The following OPCML variants were observed in gnomAD, a reference collection of about 807,000 sequenced individuals.
The protein encoded by OPCML is opioid binding protein/cell adhesion molecule like, also known as opioid-binding protein/cell adhesion molecule.
Under a neutral mutation model 37.8 loss-of-function variants are expected in OPCML, and 13 were observed. The observed-to-expected ratio is 0.34, with a 90% CI of 0.22 to 0.55. OPCML has a LOEUF of 0.55. Among genes scored for constraint, OPCML ranks in the 20% least tolerant of loss-of-function variants. The probability of loss-of-function intolerance (pLI) is 0.91; values close to 1 mark genes in which losing one functional copy is unlikely to be tolerated. For synonymous variants in OPCML, 176 were observed against 168.8 expected (o/e 1.04, Z -0.33); for missense variants, 341 against 435.6 (o/e 0.78, Z 1.93).
In OPCML at chr11:132,801,716, C is replaced by T. The variant is rs10894606; in HGVS notation, c.146+141210G>A. ...GCTTTTCCATTTTTGTGTTTAAAATCGCTTCTACCTGCTTATGCCTCTCAG... is the reference window on the plus strand; with the variant it reads ...GCTTTTCCATTTTTGTGTTTAAAATTGCTTCTACCTGCTTATGCCTCTCAG... On this transcript the variant is annotated intron_variant, in intron 2 of 7. Coordinates refer to ENST00000524381, the MANE Select transcript of OPCML (RefSeq NM_001012393.5). Among the ~76,000 whole-genome samples the T allele has an allele frequency of 4.6e-5, 7 of 152,270 alleles. No homozygotes were observed. The East Asian group carries it at 1.4e-3, about 30-fold the overall frequency.
chr11:132,496,016 C>T (rs915371554), intron 4 of OPCML, among the ~76,000 whole-genome samples: 1 of 151,998 alleles, frequency 6.6e-6, no homozygotes, highest in Admixed American at 6.5e-5. Context: ...TCATAAAAAT[C>T]AGAAGAATAA....
intron 1 of OPCML, among the ~76,000 whole-genome samples, chr11:133,226,726 A>G (rs993982033): frequency 1.8e-4 from 27 of 152,174 alleles, no homozygotes; most frequent in African/African-American, 6.0e-4. Flanking sequence ...TTACAGAGGG[A>G]GCTTCAGAGG....
intron 1 of OPCML, among the ~76,000 whole-genome samples, chr11:133,084,582 A>G (rs910643694): frequency 2.0e-5 from 3 of 152,164 alleles, no homozygotes; most frequent in Admixed American, 6.5e-5. Flanking sequence ...TTGGAAGCCA[A>G]TCTGGGGTCA....
At chr11:133,064,889 TCCA>T (rs1469874252) in intron 1 of OPCML, 1 of 151,862 alleles carries the variant, frequency 6.6e-6, no homozygotes, top group Non-Finnish European at 1.5e-5. Context: ...TTACGTTGCG[TCCA>T]CCAGGTAGAC....
intron 1 of OPCML, among the ~76,000 whole-genome samples, chr11:133,020,127 A>G (rs1310744373): frequency 6.6e-6 from 1 of 152,198 alleles, no homozygotes; most frequent in East Asian, 1.9e-4. Flanking sequence ...CTGCCATTAC[A>G]ATGCAGTCAC....
At chr11:132,906,566 C>T (rs371758101) in intron 2 of OPCML, among the ~76,000 whole-genome samples, 1 of 152,130 alleles carries the variant, frequency 6.6e-6, no homozygotes, top group African/African-American at 2.4e-5. Flanking sequence ...GTTTACCATT[C>T]AGAATTTCTT....
At chr11:132,466,369 A>G (rs1045814170) in intron 4 of OPCML, among the ~76,000 whole-genome samples, 2 of 151,148 alleles carry the variant, frequency 1.3e-5, no homozygotes, top group Non-Finnish European at 2.9e-5. Context: ...CTGTAGTCCC[A>G]GCTACTCAGG....
At chr11:132,857,991 T>A (rs1298553800) in intron 2 of OPCML, among the ~76,000 whole-genome samples, 1 of 151,824 alleles carries the variant, frequency 6.6e-6, no homozygotes, top group Non-Finnish European at 1.5e-5. Flanking sequence ...CAGTGTGGCG[T>A]CCTTAGGAAG....
rs79603224 is a variant in OPCML, at chr11:133,396,470, G to T, written c.61+135794C>A. ...TGAGCAAATCCTGGCTAAGGGACAC[G>T]ATTTGTCCACTTTGCTATTATCATG... On this transcript the variant is annotated intron_variant, in intron 1 of 7. Coordinates refer to ENST00000524381, the MANE Select transcript of OPCML (RefSeq NM_001012393.5). Among the ~76,000 whole-genome samples the T allele has an allele frequency of 4.9e-4, 75 of 152,082 alleles. 1 individual carries two copies. The East Asian group carries it at 0.013, about 27-fold the overall frequency.
chr11:133,255,758 A>G (rs1357783419), intron 1 of OPCML, among the ~76,000 whole-genome samples: 1 of 152,156 alleles, frequency 6.6e-6, no homozygotes, highest in Non-Finnish European at 1.5e-5. Flanking sequence ...CTCCCTTCAC[A>G]CTTTACTAGA....
At chr11:132,858,330 G>A (rs1017837968) in intron 2 of OPCML, among the ~76,000 whole-genome samples, 1 of 152,172 alleles carries the variant, frequency 6.6e-6, no homozygotes, top group Non-Finnish European at 1.5e-5. Flanking sequence ...GGGCCTGCCA[G>A]GGTGCCTCCT....
intron 3 of OPCML, among the ~76,000 whole-genome samples, chr11:132,563,760 A>G (rs917559938): frequency 3.9e-5 from 6 of 152,032 alleles, no homozygotes; most frequent in African/African-American, 1.5e-4. Context: ...GCACTTATGT[A>G]TTATTGTCCA....
chr11:132,773,899 G>T (rs187636737), intron 2 of OPCML, among the ~76,000 whole-genome samples: 2 of 152,148 alleles, frequency 1.3e-5, no homozygotes, highest in East Asian at 3.9e-4. Flanking sequence ...CACCACAGGC[G>T]CTCTGAAAGG....
At chr11:133,474,867 C>T (rs899379752) in intron 1 of OPCML, among the ~76,000 whole-genome samples, 6 of 152,298 alleles carry the variant, frequency 3.9e-5, no homozygotes, top group Admixed American at 6.5e-5. Context: ...ACACAGCAAG[C>T]GCCTGCTTCC....
At chr11:132,723,446 A>C (rs1944752497) in intron 2 of OPCML, among the ~76,000 whole-genome samples, 1 of 152,186 alleles carries the variant, frequency 6.6e-6, no homozygotes, top group South Asian at 2.1e-4. Flanking sequence ...TCTGAACCCC[A>C]CAATATATAC....
At position 133,242,246 on chromosome 11, in the gene OPCML, G is replaced by A. The variant is rs565462027; in HGVS notation, c.61+290018C>T. 7.9e-5 allele frequency among the ~76,000 whole-genome samples: 12 copies of A among 152,240 alleles called. No homozygotes were observed. In the South Asian group the frequency reaches 2.5e-3, roughly 32 times the overall value. ...AATGATACGATTACCACATCACCAG[G>A]AGAGGAAAACGGAGCTTCAGAGCGG... On this transcript the variant is annotated intron_variant, in intron 1 of 7. Transcript: ENST00000524381.
At chr11:132,716,002 G>A (rs1360376356) in intron 2 of OPCML, among the ~76,000 whole-genome samples, 1 of 152,166 alleles carries the variant, frequency 6.6e-6, no homozygotes, top group African/African-American at 2.4e-5. Flanking sequence ...AAAATTCGGT[G>A]CCAATTAATT....
At chr11:133,006,426 C>T in intron 1 of OPCML, 2 of 985,252 alleles carry the variant, frequency 2.0e-6, no homozygotes, top group South Asian at 4.7e-5. Context: ...AAAAAAAGTC[C>T]TGCAACAACT....
At chr11:132,523,342 C>T (rs553676780) in intron 4 of OPCML, among the ~76,000 whole-genome samples, 42 of 152,344 alleles carry the variant, frequency 2.8e-4, no homozygotes, top group African/African-American at 9.4e-4. Flanking sequence ...TTATCATCCT[C>T]ATATATCTAG....
Sources: gnomAD v4.1 joint callset for allele counts (sites outside exome capture counted in the v4.1 genomes callset) on GRCh38, gnomAD v4.1.1 for gene constraint, MANE v1.5 for transcripts, NCBI Gene and HGNC (gene_info 2026-07-23, HGNC 2026-07-21) for gene names.